Variants in COBL observed in about 807,000 individuals in gnomAD.
The protein encoded by COBL is cordon-bleu WH2 repeat protein, also known as protein cordon-bleu.
Under a neutral mutation model 98.8 loss-of-function variants are expected in COBL, and 51 were observed. That is an observed-to-expected ratio of 0.52 (90% CI 0.41 to 0.65). COBL has a LOEUF of 0.65. Ranked by LOEUF, COBL falls within the 30% of genes least tolerant of loss-of-function variation. COBL has a pLI of 0.00. For synonymous variants in COBL, 634 were observed against 651.7 expected, an observed-to-expected ratio of 0.97 and a Z score of 0.41; for missense variants, 1,617 against 1,617.5, an observed-to-expected ratio of 1.00 and a Z score of 0.01.
intron 2 of COBL, among the ~76,000 whole-genome samples, chr7:51,207,619 A>T (rs1791879760): frequency 6.6e-6 from 1 of 152,142 alleles, no homozygotes; most frequent in Non-Finnish European, 1.5e-5. Flanking sequence ...TTTGGTGGAG[A>T]CGGGGTTTCA....
intron 5 of COBL, among the ~76,000 whole-genome samples, chr7:51,162,223 T>C (rs1012284091): frequency 2.6e-5 from 4 of 152,204 alleles, no homozygotes; most frequent in Admixed American, 6.6e-5. Context: ...ATACTGACCA[T>C]GTCCCCACTA....
At chr7:51,255,991 C>T (rs1170574070) in intron 1 of COBL, among the ~76,000 whole-genome samples, 1 of 152,140 alleles carries the variant, frequency 6.6e-6, no homozygotes, top group Non-Finnish European at 1.5e-5. Context: ...GCCTTCTCTC[C>T]ACCAAAAGCT....
In COBL at chr7:51,095,484, C is replaced by A. The variant is rs185940319; in HGVS notation, c.958-10180G>T. Among the ~76,000 whole-genome samples the A allele has an allele frequency of 5.4e-3, 829 of 152,204 alleles. 4 individuals carry two copies. Among genetic ancestry groups the A allele is most frequent in the Middle Eastern group, 0.017 (5 of 294 alleles). On this transcript the variant is annotated intron_variant, in intron 6 of 12. Coordinates refer to ENST00000265136, the MANE Select transcript of COBL (RefSeq NM_015198.5). Reference sequence around the variant, plus strand: ...AAGAGCAACAAAACTACAAGATATACGGAAACCAATTAACAAAATAGTAAC... The same window carrying A: ...AAGAGCAACAAAACTACAAGATATAAGGAAACCAATTAACAAAATAGTAAC...
chr7:51,218,666 G>T (rs909730823), intron 2 of COBL, among the ~76,000 whole-genome samples: 6 of 151,996 alleles, frequency 3.9e-5, no homozygotes, highest in Admixed American at 1.3e-4. Flanking sequence ...AGTAGAAATG[G>T]GGTTTCACCA....
intron 2 of COBL, among the ~76,000 whole-genome samples, chr7:51,210,235 G>T (rs1009911534): frequency 2.0e-5 from 3 of 152,038 alleles, no homozygotes; most frequent in African/African-American, 7.3e-5. Flanking sequence ...CAGCAGTCGA[G>T]GGTGGGAGTA....
chr7:51,106,906 T>C (rs2128970798), intron 6 of COBL, among the ~76,000 whole-genome samples: 1 of 152,230 alleles, frequency 6.6e-6, no homozygotes, highest in South Asian at 2.1e-4. Context: ...CAAAATGCCC[T>C]GAAACAGAAT....
At chr7:51,169,716 T>C (rs1787666775) in intron 5 of COBL, among the ~76,000 whole-genome samples, 1 of 151,490 alleles carries the variant, frequency 6.6e-6, no homozygotes, top group Admixed American at 6.6e-5. Flanking sequence ...ACTGGGGAGG[T>C]GGGGATGGTT....
intron 5 of COBL, among the ~76,000 whole-genome samples, chr7:51,139,596 C>A (rs892421461): frequency 2.0e-5 from 3 of 152,176 alleles, no homozygotes; most frequent in Non-Finnish European, 4.4e-5. Flanking sequence ...GCCACCAGAC[C>A]CTCTTCTCAG....
At chr7:51,030,779 T>C in intron 9 of COBL, 33 bp downstream of exon 9, 2 of 1,371,048 alleles carry the variant, frequency 1.5e-6, no homozygotes, top group Non-Finnish European at 1.0e-6. Context: ...TCATGCAGCA[T>C]AATATCAGAG....
chr7:51,079,767 C>T (rs1238889051), intron 7 of COBL, among the ~76,000 whole-genome samples: 1 of 152,178 alleles, frequency 6.6e-6, no homozygotes, highest in Non-Finnish European at 1.5e-5. Context: ...GCTGCAGAGC[C>T]GGCTGCCGAG....
chr7:51,233,762 C>T (rs190707275), intron 1 of COBL, among the ~76,000 whole-genome samples: 4 of 152,262 alleles, frequency 2.6e-5, no homozygotes, highest in African/African-American at 7.2e-5. Context: ...TTCAGGGAAA[C>T]GGACGTTTTC....
chr7:51,136,088 G>A lies in COBL; in HGVS notation c.957+70C>T, dbSNP rs1167042078. 2.6e-6 allele frequency: 4 copies of A among 1,528,004 alleles called. No homozygotes were observed. The African/African-American group carries it at 5.5e-5, about 21-fold the overall frequency. 94.7% of individuals were successfully genotyped at this position (1,528,004 alleles called of 1,614,324 possible). A position where few individuals can be genotyped will look rare whatever the true frequency, so the allele number is the denominator to read the frequency against. ...AACATGAAGGATTACTGTGTTCCCA[G>A]GGAGCTTTGGAACAATCAACTGTGT... On this transcript the variant is annotated intron_variant, in intron 6 of 12. Transcript: ENST00000265136.
rs1802256114 is a variant in COBL, at chr7:51,304,255, G to C, written c.41+12338C>G. 2.0e-5 allele frequency among the ~76,000 whole-genome samples: 3 copies of C among 152,190 alleles called. No homozygotes were observed. The South Asian group carries it at 6.2e-4, about 32-fold the overall frequency. On this transcript the variant is annotated intron_variant, in intron 1 of 12. Coordinates refer to ENST00000265136, the MANE Select transcript of COBL (RefSeq NM_015198.5). ...AACACAATGACCTCTATTTAGAAGT[G>C]GGGAGGCAGAGGTCACAGGCAGGTC...
intron 7 of COBL, chr7:51,064,279 C>G (rs983839668): frequency 6.6e-6 from 1 of 150,816 alleles, no homozygotes; most frequent in African/African-American, 2.4e-5. Context: ...ATATATATCC[C>G]TGTGCATTAA....
rs546301790 is a variant in COBL, at chr7:51,251,031, G to T, written c.42-31087C>A. Among the ~76,000 whole-genome samples the T allele has an allele frequency of 1.5e-4, 23 of 152,246 alleles. No homozygotes were observed. The East Asian group carries it at 4.2e-3, about 28-fold the overall frequency. On this transcript the variant is annotated intron_variant, in intron 1 of 12. Transcript: ENST00000265136. Reference sequence around the variant, plus strand: ...TGAAAATAATTGACCTATTTGTGATGATTTTTACAGTGCTATTAAATCTAC... The same window carrying T: ...TGAAAATAATTGACCTATTTGTGATTATTTTTACAGTGCTATTAAATCTAC...
At chr7:51,229,947 A>T (rs1489826767) in intron 1 of COBL, among the ~76,000 whole-genome samples, 1 of 152,078 alleles carries the variant, frequency 6.6e-6, no homozygotes, top group Non-Finnish European at 1.5e-5. Flanking sequence ...GGATGGAGGG[A>T]TCTGGTCATG....
chr7:51,137,587 T>TAA (rs35391666), intron 5 of COBL, among the ~76,000 whole-genome samples: 91 of 145,648 alleles, frequency 6.2e-4, no homozygotes, highest in South Asian at 2.0e-3. Flanking sequence ...CCCACTTCTT[T>TAA]AAAAAAAAAA....
chr7:51,302,392 G>A (rs993991553), intron 1 of COBL, among the ~76,000 whole-genome samples: 1 of 152,042 alleles, frequency 6.6e-6, no homozygotes, highest in African/African-American at 2.4e-5. Flanking sequence ...GACCAACCTA[G>A]CCAACATGGA....
chr7:51,197,756 C>T (rs1790729557), intron 2 of COBL, among the ~76,000 whole-genome samples: 1 of 152,166 alleles, frequency 6.6e-6, no homozygotes, highest in Admixed American at 6.5e-5. Flanking sequence ...TAACCCTTTA[C>T]CATTATGTAA....
Sources: allele counts gnomAD v4.1 joint callset (sites outside exome capture counted in the v4.1 genomes callset), GRCh38; gene constraint gnomAD v4.1.1; transcripts MANE v1.5; gene names NCBI Gene and HGNC (gene_info 2026-07-23, HGNC 2026-07-21).